Variants in PLAAT1 observed in about 807,000 individuals in gnomAD.
PLAAT1 encodes the protein phospholipase A and acyltransferase 1, also known as H-REV107 protein-related protein.
A neutral mutation model predicts 16.4 loss-of-function variants in PLAAT1; 13 were observed. The observed-to-expected ratio is 0.79, with a 90% CI of 0.52 to 1.26. The LOEUF (loss-of-function observed/expected upper bound fraction) is 1.26, where lower values mean the gene tolerates loss of function less well. Among genes scored for constraint, PLAAT1 ranks in the 50% most tolerant of loss-of-function variants. The pLI, the probability that PLAAT1 is intolerant of heterozygous loss-of-function variation, is 0.00. For missense variants in PLAAT1, 218 were observed against 207.8 expected, an observed-to-expected ratio of 1.05 and a Z score of -0.30; for synonymous variants, 73 against 78.4, an observed-to-expected ratio of 0.93 and a Z score of 0.36.
chr3:193,276,810 C>T (rs1275361460), intron 2 of PLAAT1: 12 of 1,613,400 alleles, frequency 7.4e-6, no homozygotes, highest in Admixed American at 5.0e-5. Context: ...AAACCCTCCA[C>T]GATGTTATGG....
downstream of PLAAT1, among the ~76,000 whole-genome samples, chr3:193,278,719 C>G (rs1158432875): frequency 2.6e-5 from 4 of 152,302 alleles, no homozygotes; most frequent in East Asian, 7.7e-4. Flanking sequence ...CTTCTATGTT[C>G]TTCCCAGTTC....
downstream of PLAAT1, chr3:193,279,333 G>A: frequency 6.7e-7 from 1 of 1,502,902 alleles, no homozygotes; most frequent in Non-Finnish European, 9.3e-7. Flanking sequence ...ATGTACATGA[G>A]TCATGCCAGA....
At chr3:193,253,552 C>T (rs1488237801) in intron 1 of PLAAT1, among the ~76,000 whole-genome samples, 1 of 152,066 alleles carries the variant, frequency 6.6e-6, no homozygotes, top group African/African-American at 2.4e-5. Context: ...TTACCAGCTC[C>T]CTAAGGGTTA....
downstream of PLAAT1, among the ~76,000 whole-genome samples, chr3:193,280,475 C>T (rs1027679451): frequency 6.6e-6 from 1 of 152,198 alleles, no homozygotes; most frequent in Admixed American, 6.5e-5. Context: ...CATGTATCAA[C>T]TGGACTGTGA....
At chr3:193,274,148 C>G (rs1717076822), downstream of PLAAT1, among the ~76,000 whole-genome samples, 1 of 152,034 alleles carries the variant, frequency 6.6e-6, no homozygotes, top group South Asian at 2.1e-4. Context: ...GAGGCTGAGG[C>G]AGGGGAATTG....
intron 1 of PLAAT1, among the ~76,000 whole-genome samples, chr3:193,248,916 T>C (rs1283561261): frequency 6.6e-6 from 1 of 152,162 alleles, no homozygotes; most frequent in Non-Finnish European, 1.5e-5. Flanking sequence ...TTTTATGTAT[T>C]TCCATGTTGC....
intron 3 of PLAAT1, among the ~76,000 whole-genome samples, chr3:193,269,023 C>T (rs565832144): frequency 1.3e-5 from 2 of 151,986 alleles, no homozygotes; most frequent in South Asian, 2.1e-4. Context: ...TTCTTGGGAT[C>T]TCACTATCTG....
Position 193,261,697 on chromosome 3 carries a change from C to G in PLAAT1, c.140-1273C>G, listed in dbSNP as rs538481319. Among the ~76,000 whole-genome samples the G allele has an allele frequency of 5.9e-5, 9 of 152,200 alleles. No homozygotes were observed. The South Asian group carries it at 1.5e-3, about 25-fold the overall frequency. The stretch of plus-strand genomic sequence containing the variant: ...TTCATGCTGTTTTCTTATTATCATG[C>G]CTTAAATTCCATATTATTGTGGTTT... On this transcript the variant is annotated intron_variant, in intron 2 of 3. Coordinates refer to ENST00000264735, the MANE Select transcript of PLAAT1 (RefSeq NM_020386.5).
At chr3:193,256,846 A>T (rs1476344481) in intron 2 of PLAAT1, among the ~76,000 whole-genome samples, 1 of 152,214 alleles carries the variant, frequency 6.6e-6, no homozygotes, top group African/African-American at 2.4e-5. Flanking sequence ...GTTAAAGTAG[A>T]CAATGGCATA....
chr3:193,242,381 C>A (rs1452698774), intron 1 of PLAAT1, among the ~76,000 whole-genome samples: 1 of 151,980 alleles, frequency 6.6e-6, no homozygotes, highest in African/African-American at 2.4e-5. Flanking sequence ...GGAAGACAAT[C>A]CGACCTGGGG....
intron 2 of PLAAT1, among the ~76,000 whole-genome samples, chr3:193,260,055 A>C (rs909914191): frequency 2.0e-5 from 3 of 152,200 alleles, no homozygotes; most frequent in Non-Finnish European, 4.4e-5. Context: ...AAAGCCAAGC[A>C]CATAAAACCA....
chr3:193,270,883 C>T (rs1214537068), downstream of PLAAT1: 2 of 1,287,370 alleles, frequency 1.6e-6, no homozygotes, highest in Non-Finnish European at 2.0e-6. Flanking sequence ...TTTTTTTCCC[C>T]TGCTAGCATA....
At chr3:193,246,282 A>G (rs1458698287) in intron 1 of PLAAT1, among the ~76,000 whole-genome samples, 1 of 152,072 alleles carries the variant, frequency 6.6e-6, no homozygotes, top group Non-Finnish European at 1.5e-5. Flanking sequence ...GGATTTTGTC[A>G]AATGTTTTTT....
At chr3:193,240,682 T>TGTGTGTGTGTGTGTGG (rs1182255845), upstream of PLAAT1, among the ~76,000 whole-genome samples, 5 of 148,794 alleles carry the variant, frequency 3.4e-5, no homozygotes, top group Admixed American at 6.7e-5. Context: ...TGTGTGTGTG[T>TGTGTGTGTGTGTGTGG]GTGGTTGGAG....
At chr3:193,281,075 A>G (rs1409151415), downstream of PLAAT1, 3 of 427,266 alleles carry the variant, frequency 7.0e-6, no homozygotes, top group Admixed American at 1.9e-4. Context: ...GTGCTTGGGA[A>G]GGGTATGAGG....
At chr3:193,257,835 A>C (rs1716435235) in intron 2 of PLAAT1, among the ~76,000 whole-genome samples, 1 of 152,192 alleles carries the variant, frequency 6.6e-6, no homozygotes, top group Non-Finnish European at 1.5e-5. Context: ...ACACTGGCTA[A>C]GTCTTCTGGC....
chr3:193,261,630 A>C (rs996014522), intron 2 of PLAAT1, among the ~76,000 whole-genome samples: 1 of 152,156 alleles, frequency 6.6e-6, no homozygotes, highest in Non-Finnish European at 1.5e-5. Flanking sequence ...CTACATCTAC[A>C]TTATCTCTGC....
intron 1 of PLAAT1, among the ~76,000 whole-genome samples, chr3:193,248,769 A>G (rs1716075159): frequency 6.6e-6 from 1 of 152,166 alleles, no homozygotes; most frequent in South Asian, 2.1e-4. Flanking sequence ...TTAGCAAAGT[A>G]TAGTTGCTAT....
chr3:193,256,820 T>C (rs1560101754), intron 2 of PLAAT1, among the ~76,000 whole-genome samples: 1 of 152,212 alleles, frequency 6.6e-6, no homozygotes, highest in Non-Finnish European at 1.5e-5. Flanking sequence ...TATTCACTTC[T>C]GTGTCATTTA....
Sources: allele counts gnomAD v4.1 joint callset (sites outside exome capture counted in the v4.1 genomes callset), GRCh38; gene constraint gnomAD v4.1.1; transcripts MANE v1.5; gene names NCBI Gene and HGNC (gene_info 2026-07-23, HGNC 2026-07-21).